The following PXDNL variants were observed in gnomAD, a reference collection of about 807,000 sequenced individuals.
PXDNL encodes probable oxidoreductase PXDNL.
Under a neutral mutation model 150.8 loss-of-function variants are expected in PXDNL, and 145 were observed. The observed-to-expected ratio is 0.96, with a 90% CI of 0.84 to 1.10. The LOEUF (loss-of-function observed/expected upper bound fraction) is 1.10. PXDNL is among the 50% of genes least tolerant of loss of function. PXDNL has a pLI of 0.00. For missense variants in PXDNL, 2,087 were observed against 1,873.9 expected (o/e 1.11, Z -2.10); for synonymous variants, 757 against 725.7 (o/e 1.04, Z -0.69).
chr8:51,657,628 G>T (rs1815179501), intron 1 of PXDNL, among the ~76,000 whole-genome samples: 1 of 152,144 alleles, frequency 6.6e-6, no homozygotes, highest in Admixed American at 6.5e-5. Flanking sequence ...GTTTGCCTAT[G>T]CTAAATATTT....
intron 7 of PXDNL, among the ~76,000 whole-genome samples, chr8:51,472,853 A>T (rs1056064555): frequency 6.6e-6 from 1 of 152,226 alleles, no homozygotes; most frequent in Non-Finnish European, 1.5e-5. Flanking sequence ...AGATGGAGTG[A>T]TTGATTTTGT....
chr8:51,721,087 C>T (rs1465872378), intron 1 of PXDNL, among the ~76,000 whole-genome samples: 1 of 152,212 alleles, frequency 6.6e-6, no homozygotes, highest in African/African-American at 2.4e-5. Context: ...CCTGGCTGAA[C>T]CCCAAGACTC....
chr8:51,780,072 G>A (rs142117650), intron 1 of PXDNL, among the ~76,000 whole-genome samples: 3,809 of 152,214 alleles, frequency 0.025, 161 homozygotes, highest in African/African-American at 0.085. Flanking sequence ...TTAGCTGGGC[G>A]TGATGGCAGG....
intron 17 of PXDNL, among the ~76,000 whole-genome samples, chr8:51,378,974 A>G (rs562944569): frequency 6.6e-6 from 1 of 152,344 alleles, no homozygotes; most frequent in South Asian, 2.1e-4. Context: ...AATTCTGGAC[A>G]CACAATCACA....
rs145037800 is a variant in PXDNL at position 51,545,762 on chromosome 8, C to T, written c.380+11078G>A. Among the ~76,000 whole-genome samples the T allele has an allele frequency of 1.9e-3, 284 of 152,284 alleles. 3 individuals carry two copies. In the East Asian group the frequency reaches 0.024, roughly 13 times the overall value. ...TGGCATTAATCTATTCATGAGGGCACGGTCTTCTTGGTCTAATCACCTCTT... is the reference window on the plus strand; with the variant it reads ...TGGCATTAATCTATTCATGAGGGCATGGTCTTCTTGGTCTAATCACCTCTT... On this transcript the variant is annotated intron_variant, in intron 4 of 22. Coordinates refer to ENST00000356297, the MANE Select transcript of PXDNL (RefSeq NM_144651.5).
rs748894180 is a variant in PXDNL, at chr8:51,483,715, C to A, written c.453-1G>T. 3 of 1,461,180 alleles carry A rather than the reference C, an allele frequency of 2.1e-6. No homozygotes were observed. The highest frequency in any genetic ancestry group is 1.2e-5 in the South Asian group (1 of 80,230). 90.5% of individuals were successfully genotyped at this position (1,461,180 alleles called of 1,614,324 possible). On this transcript the variant is annotated splice_acceptor_variant, in intron 5 of 22. Coordinates refer to ENST00000356297, the MANE Select transcript of PXDNL (RefSeq NM_144651.5). LOFTEE classifies it high-confidence loss of function. ...AGATAATTTGTTGTTATGCAAAAAT[C>A]TGAAAAAGAAAAGATAAACTTTAAT... is the stretch of plus-strand genomic sequence containing the variant.
In PXDNL at chr8:51,680,271, G is replaced by A. The variant is rs1314935202; in HGVS notation, c.165-25511C>T. ...GTGGGGTGCATGTGGCTTGGGAAGA[G>A]GCTCTTGAGGTGTGAAATAGAGTTG... On this transcript the variant is annotated intron_variant, in intron 1 of 22. Coordinates refer to ENST00000356297, the MANE Select transcript of PXDNL (RefSeq NM_144651.5). Among the ~76,000 whole-genome samples, 3 of 152,152 alleles carry A rather than the reference G, an allele frequency of 2.0e-5. No individual in the cohort carries two copies. The East Asian group carries it at 5.8e-4, about 29-fold the overall frequency.
intron 2 of PXDNL, among the ~76,000 whole-genome samples, chr8:51,629,988 G>A (rs367604780): frequency 3.3e-5 from 5 of 151,628 alleles, no homozygotes; most frequent in Admixed American, 1.3e-4. Flanking sequence ...AAGGCAATCC[G>A]AAGCAAAAAG....
intron 1 of PXDNL, among the ~76,000 whole-genome samples, chr8:51,784,079 C>T (rs1375102687): frequency 2.0e-5 from 3 of 152,200 alleles, no homozygotes; most frequent in Non-Finnish European, 2.9e-5. Flanking sequence ...CATAACACTA[C>T]TCAGAAATCT....
In PXDNL at chr8:51,698,309, A is replaced by G. The variant is rs1816186272; in HGVS notation, c.165-43549T>C. 2.0e-5 allele frequency among the ~76,000 whole-genome samples: 3 copies of G among 152,234 alleles called. No individual in the cohort carries two copies. The South Asian group carries it at 6.2e-4, about 31-fold the overall frequency. ...CTCAATCTTTGCTACTGCCTTATCA[A>G]CTAAGTTGACGTAATATTCTAAATT... On this transcript the variant is annotated intron_variant, in intron 1 of 22. Transcript: ENST00000356297.
At chr8:51,334,272 T>C (rs1305278832) in intron 21 of PXDNL, among the ~76,000 whole-genome samples, 1 of 152,096 alleles carries the variant, frequency 6.6e-6, no homozygotes, top group African/African-American at 2.4e-5. Flanking sequence ...TCAAACTGAA[T>C]GACAATAATG....
At chr8:51,406,690 T>G (rs1808443924) in intron 17 of PXDNL, among the ~76,000 whole-genome samples, 1 of 152,202 alleles carries the variant, frequency 6.6e-6, no homozygotes, top group Non-Finnish European at 1.5e-5. Flanking sequence ...ATCAGTGGCT[T>G]GCTGTGAGCC....
chr8:51,553,613 A>G (rs1478001901), intron 4 of PXDNL, among the ~76,000 whole-genome samples: 5 of 152,094 alleles, frequency 3.3e-5, no homozygotes, highest in African/African-American at 1.2e-4. Context: ...TCAAAGATGC[A>G]TTGTGAGCTC....
intron 1 of PXDNL, among the ~76,000 whole-genome samples, chr8:51,716,864 C>T (rs10092950): frequency 0.01 from 1,594 of 152,260 alleles, 23 homozygotes; most frequent in African/African-American, 0.032. Context: ...CAAGATTTTT[C>T]AAAAGGCAAG....
intron 4 of PXDNL, among the ~76,000 whole-genome samples, chr8:51,551,998 A>C (rs1329637070): frequency 6.6e-6 from 1 of 152,214 alleles, no homozygotes; most frequent in East Asian, 1.9e-4. Context: ...AAGTAATCCC[A>C]TCAAAAAGTG....
At chr8:51,714,072 G>T (rs951791106) in intron 1 of PXDNL, among the ~76,000 whole-genome samples, 19 of 152,064 alleles carry the variant, frequency 1.2e-4, no homozygotes, top group African/African-American at 4.3e-4. Context: ...TCTTCAAAAT[G>T]GATAGTACAT....
chr8:51,771,333 A>G (rs1441303236), intron 1 of PXDNL, among the ~76,000 whole-genome samples: 2 of 152,256 alleles, frequency 1.3e-5, no homozygotes, highest in African/African-American at 4.8e-5. Context: ...CAAACATTGA[A>G]TTAGAGTTAT....
At chr8:51,738,275 C>A (rs1189214394) in intron 1 of PXDNL, among the ~76,000 whole-genome samples, 1 of 152,104 alleles carries the variant, frequency 6.6e-6, no homozygotes, top group Non-Finnish European at 1.5e-5. Flanking sequence ...GAGACTCTGC[C>A]CCTGATAGCC....
chr8:51,442,320 T>C (rs903349300), intron 12 of PXDNL, among the ~76,000 whole-genome samples: 3 of 150,028 alleles, frequency 2.0e-5, no homozygotes, highest in African/African-American at 7.4e-5. Context: ...TCCTTGATTC[T>C]GGTTCTTTTT....
Sources: gnomAD v4.1 joint callset for allele counts (sites outside exome capture counted in the v4.1 genomes callset) on GRCh38, gnomAD v4.1.1 for gene constraint, MANE v1.5 for transcripts, NCBI Gene and HGNC (gene_info 2026-07-23, HGNC 2026-07-21) for gene names.